The following DGKG variants were observed in gnomAD, a reference collection of about 807,000 sequenced individuals.
DGKG encodes the protein diacylglycerol kinase gamma, also known as DAG kinase gamma.
DGKG carries 78 observed loss-of-function variants against 105.3 expected under a neutral mutation model. The ratio of observed to expected loss-of-function variants is 0.74; its 90% confidence interval spans 0.62 to 0.89. DGKG has a LOEUF of 0.89. DGKG is among the 40% of genes least tolerant of loss of function. DGKG has a pLI of 0.00. For missense variants in DGKG, 958 were observed against 1,020.1 expected, an observed-to-expected ratio of 0.94 and a Z score of 0.83; for synonymous variants, 346 against 367.1, an observed-to-expected ratio of 0.94 and a Z score of 0.66.
At chr3:186,252,546 C>G (rs1354979140) in intron 18 of DGKG, among the ~76,000 whole-genome samples, 1 of 152,256 alleles carries the variant, frequency 6.6e-6, no homozygotes, top group Admixed American at 6.5e-5. Context: ...GTCTTATACA[C>G]TGGTTACCAC....
At chr3:186,161,901 G>A (rs1716309567) in intron 23 of DGKG, among the ~76,000 whole-genome samples, 1 of 152,116 alleles carries the variant, frequency 6.6e-6, no homozygotes, top group Non-Finnish European at 1.5e-5. Context: ...GTGTGTGTGT[G>A]TGTGTGTTTT....
At chr3:186,293,061 A>C (rs1309650092) in intron 5 of DGKG, among the ~76,000 whole-genome samples, 5 of 152,168 alleles carry the variant, frequency 3.3e-5, no homozygotes, top group Non-Finnish European at 7.3e-5. Context: ...TGCATAACCT[A>C]CCATGCCTCA....
chr3:186,237,845 G>A (rs952013972), intron 20 of DGKG, among the ~76,000 whole-genome samples: 3 of 152,158 alleles, frequency 2.0e-5, no homozygotes, highest in African/African-American at 7.2e-5. Flanking sequence ...ATCTGTAAAT[G>A]GGAATGCTAA....
intron 21 of DGKG, among the ~76,000 whole-genome samples, chr3:186,196,687 A>G (rs539332191): frequency 6.6e-6 from 1 of 152,340 alleles, no homozygotes; most frequent in South Asian, 2.1e-4. Context: ...ATAAGGGCTG[A>G]AGCACAGAAT....
At chr3:186,244,743 A>G (rs1340740482) in intron 19 of DGKG, among the ~76,000 whole-genome samples, 1 of 152,030 alleles carries the variant, frequency 6.6e-6, no homozygotes, top group Non-Finnish European at 1.5e-5. Context: ...TAAGAGTTTA[A>G]GGTCTTGGAG....
intron 7 of DGKG, among the ~76,000 whole-genome samples, chr3:186,283,642 G>A (rs1294930519): frequency 6.6e-6 from 1 of 152,224 alleles, no homozygotes; most frequent in Non-Finnish European, 1.5e-5. Context: ...TGAGGGCATG[G>A]AACTTTGTCA....
chr3:186,313,584 G>C, intron 2 of DGKG: 2 of 900,440 alleles, frequency 2.2e-6, no homozygotes, highest in Admixed American at 1.2e-4. Context: ...TGGACCAGCA[G>C]CATCAGCATC....
intron 5 of DGKG, among the ~76,000 whole-genome samples, chr3:186,293,775 A>G (rs537263883): frequency 6.6e-6 from 1 of 152,308 alleles, no homozygotes; most frequent in East Asian, 1.9e-4. Flanking sequence ...TGGTCTTTTC[A>G]GCAGATGGCC....
rs191143101 is a variant in DGKG at position 186,183,679 on chromosome 3, G to A, written c.2095+4523C>T. On this transcript the variant is annotated intron_variant, in intron 22 of 24. Transcript: ENST00000265022. ...GGGCTAGAGTTTGGCAGGAGCTCTA[G>A]TCTTTCTTTTTTTTTCTTTCTTTCT... 7.9e-5 allele frequency among the ~76,000 whole-genome samples: 12 copies of A among 151,826 alleles called. No individual in the cohort carries two copies. In the East Asian group the frequency reaches 2.1e-3, roughly 27 times the overall value.
chr3:186,331,135 T>A (rs1434180386), intron 1 of DGKG, among the ~76,000 whole-genome samples: 1 of 152,210 alleles, frequency 6.6e-6, no homozygotes, highest in East Asian at 1.9e-4. Flanking sequence ...CAAACTAATA[T>A]GATAATTATG....
In DGKG at chr3:186,356,040, G is replaced by A. The variant is rs535895096; in HGVS notation, c.-249+5906C>T. On this transcript the variant is annotated intron_variant, in intron 1 of 24. Transcript: ENST00000265022. ...AAATACCAGTGATGAAGAATATTTGGAGTTTATCAGAGACCTTTGATAAGA... is the reference window on the plus strand; with the variant it reads ...AAATACCAGTGATGAAGAATATTTGAAGTTTATCAGAGACCTTTGATAAGA... 5.9e-5 allele frequency among the ~76,000 whole-genome samples: 9 copies of A among 152,316 alleles called. No homozygotes were observed. In the South Asian group the frequency reaches 1.9e-3, roughly 32 times the overall value.
intron 20 of DGKG, among the ~76,000 whole-genome samples, chr3:186,241,782 A>T (rs1418716705): frequency 6.6e-6 from 1 of 152,210 alleles, no homozygotes; most frequent in Non-Finnish European, 1.5e-5. Flanking sequence ...ACAAAGAAGG[A>T]AAGAGGGAGA....
At chr3:186,356,417 G>A (rs942529509) in intron 1 of DGKG, among the ~76,000 whole-genome samples, 10 of 152,160 alleles carry the variant, frequency 6.6e-5, no homozygotes, top group Admixed American at 6.5e-4. Flanking sequence ...GCTGTGAGGG[G>A]GTGTGGGCAA....
intron 4 of DGKG, among the ~76,000 whole-genome samples, chr3:186,297,724 G>T (rs913465708): frequency 2.6e-5 from 4 of 152,302 alleles, no homozygotes; most frequent in Middle Eastern, 3.4e-3. Context: ...GCTAGTCCCA[G>T]CCTGGACACA....
chr3:186,309,899 CTG>C (rs1383449858), intron 2 of DGKG, among the ~76,000 whole-genome samples: 3 of 151,690 alleles, frequency 2.0e-5, no homozygotes, highest in Non-Finnish European at 4.4e-5. Context: ...ATAAAATAAA[CTG>C]AGGTTTTAAT....
Position 186,254,585 on chromosome 3 carries a change from CT to C in DGKG, c.1511-1404del, listed in dbSNP as rs200229594. 6.3e-3 allele frequency among the ~76,000 whole-genome samples: 963 copies of C among 152,238 alleles called. 12 individuals are homozygous for C. The highest frequency in any genetic ancestry group is 0.022 in the African/African-American group (907 of 41,516). On this transcript the variant is annotated intron_variant, in intron 17 of 24. Coordinates refer to ENST00000265022, the MANE Select transcript of DGKG (RefSeq NM_001346.3). Reference sequence around the variant, plus strand: ...AGCTGTATGCCGCCCTAGGTTTTTCCTTTTCCCTCACACATCCATTCACATA... The same window carrying C: ...AGCTGTATGCCGCCCTAGGTTTTTCCTTTCCCTCACACATCCATTCACATA...
chr3:186,199,844 A>G (rs758076926), intron 21 of DGKG, among the ~76,000 whole-genome samples: 1 of 152,116 alleles, frequency 6.6e-6, no homozygotes, highest in Non-Finnish European at 1.5e-5. Flanking sequence ...ATGAGGAAAC[A>G]TTGACTCGGT....
At chr3:186,273,228 C>T (rs1446026521) in intron 10 of DGKG, among the ~76,000 whole-genome samples, 1 of 152,158 alleles carries the variant, frequency 6.6e-6, no homozygotes, top group Non-Finnish European at 1.5e-5. Context: ...AGCTATTCCA[C>T]ACATTATTGC....
In DGKG at chr3:186,361,461, C is replaced by T. The variant is rs528138976; in HGVS notation, c.-249+485G>A. Among the ~76,000 whole-genome samples, 1 of 152,284 alleles carries T rather than the reference C, an allele frequency of 6.6e-6. No individual in the cohort carries two copies. The highest frequency in any genetic ancestry group is 1.9e-4 in the East Asian group (1 of 5,164). ...TCGCTTCAGCTTCCCTTTAAGTCGC[C>T]CTGCGCAGGGGCTTTGTGGAGTGCC... On this transcript the variant is annotated intron_variant, in intron 1 of 24. Coordinates refer to ENST00000265022, the MANE Select transcript of DGKG (RefSeq NM_001346.3). This position sits in a 1 kb window ranked among gnomAD's most constrained non-coding sequence, Gnocchi z 6.8.
Sources: gnomAD v4.1 joint callset for allele counts (sites outside exome capture counted in the v4.1 genomes callset) on GRCh38, gnomAD v4.1.1 for gene constraint, Gnocchi (gnomAD v3.1) non-coding constraint, MANE v1.5 for transcripts, NCBI Gene and HGNC (gene_info 2026-07-23, HGNC 2026-07-21) for gene names.